The following MAGED1 variants were observed in gnomAD, a reference collection of about 807,000 sequenced individuals.
MAGED1 encodes MAGE family member D1.
A neutral mutation model predicts 54.1 loss-of-function variants in MAGED1; 3 were observed. The observed-to-expected ratio is 0.06, with a 90% CI of 0.03 to 0.14. MAGED1 has a LOEUF of 0.14. Among genes scored for constraint, MAGED1 ranks in the 10% least tolerant of loss-of-function variants. MAGED1 has a pLI of 1.00. For missense variants in MAGED1, 485 were observed against 623.4 expected (o/e 0.78, Z 2.36); for synonymous variants, 217 against 227.3 (o/e 0.95, Z 0.41).
chrX:51,808,786 G>T (rs1925115994), intron 1 of MAGED1, among the ~76,000 whole-genome samples: 1 of 112,031 alleles, frequency 8.9e-6, no homozygotes. Flanking sequence ...GCCAAAACTG[G>T]CAAGTTTTGT....
chrX:51,889,440 C>G (rs929450370), upstream of MAGED1, among the ~76,000 whole-genome samples: 1 of 108,079 alleles, frequency 9.3e-6, no homozygotes, highest in East Asian at 2.9e-4. Context: ...CCAGCCTGGC[C>G]AACATGGTGA....
intron 1 of MAGED1, among the ~76,000 whole-genome samples, chrX:51,861,831 C>T (rs1602243870): frequency 1.8e-5 from 2 of 111,209 alleles, no homozygotes; most frequent in African/African-American, 3.3e-5. Flanking sequence ...TACAGGCGCC[C>T]ACCATATCTG....
At chrX:51,811,213 G>A (rs1304287274) in intron 1 of MAGED1, among the ~76,000 whole-genome samples, 4 of 111,540 alleles carry the variant, frequency 3.6e-5, no homozygotes, top group Non-Finnish European at 7.5e-5. Flanking sequence ...CATATTTATT[G>A]TGGCTCTTCA....
chrX:51,890,456 A>G (rs1928393255), upstream of MAGED1, among the ~76,000 whole-genome samples: 1 of 112,237 alleles, frequency 8.9e-6, no homozygotes, highest in Admixed American at 9.5e-5. Flanking sequence ...GATGGTCTTC[A>G]GGAGCTTGCC....
At chrX:51,819,421 C>T (rs1443324320) in intron 1 of MAGED1, among the ~76,000 whole-genome samples, 1 of 109,850 alleles carries the variant, frequency 9.1e-6, no homozygotes. Flanking sequence ...AAGTATTAAA[C>T]TTTCTTGTAC....
chrX:51,818,341 G>T (rs782641546), intron 1 of MAGED1, among the ~76,000 whole-genome samples: 2 of 111,484 alleles, frequency 1.8e-5, no homozygotes, highest in South Asian at 7.7e-4. Flanking sequence ...GGCACTACAA[G>T]CTGGGCATGG....
At chrX:51,830,859 T>C (rs181296785) in intron 1 of MAGED1, among the ~76,000 whole-genome samples, 56 of 112,132 alleles carry the variant, frequency 5.0e-4, no homozygotes, top group African/African-American at 1.7e-3. Context: ...TTGTGTTTTA[T>C]ATATTTATTT....
chrX:51,901,935 T>C lies in MAGED1; in HGVS notation c.*5T>C, dbSNP rs1557365045. The C allele has an allele frequency of 8.3e-7, 1 of 1,199,415 alleles. No individual in the cohort carries two copies. Among genetic ancestry groups the C allele is most frequent in the South Asian group, 1.8e-5 (1 of 54,537 alleles). On this transcript the variant is annotated 3_prime_UTR_variant, in exon 12 of 13. Transcript: ENST00000326587. ...GGTTTCTTCTGGGTTGAGTGAGATG[T>C]TGGGTAGGTACATCACTTTGGATTG... is the stretch of plus-strand genomic sequence containing the variant.
chrX:51,808,612 G>A (rs1025330875), intron 1 of MAGED1, among the ~76,000 whole-genome samples: 3 of 111,712 alleles, frequency 2.7e-5, no homozygotes, highest in Non-Finnish European at 5.6e-5. Flanking sequence ...GGGAGGCTGA[G>A]GGGGGAGGAT....
chrX:51,845,951 CT>C (rs1557359236), intron 1 of MAGED1, among the ~76,000 whole-genome samples: 1 of 110,070 alleles, frequency 9.1e-6, no homozygotes, highest in Admixed American at 9.8e-5. Context: ...AATTTTTGTA[CT>C]TTTTGTAGAG....
chrX:51,840,703 C>T (rs1344704582), intron 1 of MAGED1, among the ~76,000 whole-genome samples: 4 of 108,241 alleles, frequency 3.7e-5, no homozygotes, highest in Non-Finnish European at 5.7e-5. Flanking sequence ...TTTGTCCTTG[C>T]GATAGTTTAC....
At chrX:51,803,725 T>C (rs1602200547) in intron 1 of MAGED1, among the ~76,000 whole-genome samples, 1 of 827 alleles carries the variant, frequency 1.2e-3, no homozygotes, top group Admixed American at 0.022. Flanking sequence ...AATGATGTTC[T>C]TTTTTTTTTT....
At chrX:51,880,828 T>C (rs1404705561) in intron 1 of MAGED1, among the ~76,000 whole-genome samples, 4 of 111,501 alleles carry the variant, frequency 3.6e-5, no homozygotes, top group Non-Finnish European at 7.5e-5. Context: ...TTTCTTCATC[T>C]TCCTGTCCCT....
rs150418039 is a variant in MAGED1, at chrX:51,845,658, G to A, written c.-37+42541G>A. 7.6e-4 allele frequency among the ~76,000 whole-genome samples: 85 copies of A among 111,944 alleles called. No individual in the cohort carries two copies. The East Asian group carries it at 0.021, about 28-fold the overall frequency. ...AGATGACTTACATGATGAGATTTGA[G>A]ACTTTTGAGCTGATGAGACTTACAT... On this transcript the variant is annotated intron_variant, in intron 1 of 12. Coordinates refer to the MAGED1 transcript ENST00000375772.
intron 1 of MAGED1, among the ~76,000 whole-genome samples, chrX:51,833,263 T>C (rs1209328325): frequency 1.8e-5 from 2 of 110,279 alleles, no homozygotes; most frequent in East Asian, 5.7e-4. Context: ...AGTTTTTTTT[T>C]TTTCTACAGG....
intron 1 of MAGED1, among the ~76,000 whole-genome samples, chrX:51,835,968 C>A (rs1312904781): frequency 2.7e-5 from 3 of 111,680 alleles, no homozygotes; most frequent in East Asian, 5.6e-4. Flanking sequence ...TTTTCAAATT[C>A]TTTAATCTTT....
At chrX:51,833,959 T>C (rs1304036462) in intron 1 of MAGED1, among the ~76,000 whole-genome samples, 2 of 111,733 alleles carry the variant, frequency 1.8e-5, no homozygotes, top group African/African-American at 6.5e-5. Flanking sequence ...TGCATGTCTT[T>C]TGATTTTCCT....
intron 1 of MAGED1, among the ~76,000 whole-genome samples, chrX:51,817,268 A>G (rs1338152470): frequency 1.8e-5 from 2 of 111,891 alleles, no homozygotes; most frequent in Non-Finnish European, 3.8e-5. Flanking sequence ...TACAAGGCCT[A>G]TTTGGTGAAA....
At chrX:51,809,634 GC>G (rs1312410424) in intron 1 of MAGED1, among the ~76,000 whole-genome samples, 2 of 111,130 alleles carry the variant, frequency 1.8e-5, no homozygotes, top group Non-Finnish European at 3.8e-5. Context: ...TTTAGGCAGT[GC>G]TGTTTACTTT....
Sources: allele counts gnomAD v4.1 joint callset (sites outside exome capture counted in the v4.1 genomes callset), GRCh38; gene constraint gnomAD v4.1.1; transcripts MANE v1.5; gene names NCBI Gene and HGNC (gene_info 2026-07-23, HGNC 2026-07-21).